The following SPTLC1 variants were observed in gnomAD, a reference collection of about 807,000 sequenced individuals.
The protein encoded by SPTLC1 is serine palmitoyltransferase long chain base subunit 1, also known as serine palmitoyltransferase 1.
Under a neutral mutation model 68.9 loss-of-function variants are expected in SPTLC1, and 55 were observed. That is an observed-to-expected ratio of 0.80 (90% CI 0.64 to 1.00). The LOEUF (loss-of-function observed/expected upper bound fraction) is 1.00. Ranked by LOEUF, SPTLC1 falls within the 50% of genes least tolerant of loss-of-function variation. SPTLC1 has a pLI of 0.00. For synonymous variants in SPTLC1, 197 were observed against 201.6 expected (o/e 0.98, Z 0.19); for missense variants, 449 against 573.1 (o/e 0.78, Z 2.21).
At chr9:92,040,702 G>C (rs1355365449) in intron 12 of SPTLC1, among the ~76,000 whole-genome samples, 4 of 151,290 alleles carry the variant, frequency 2.6e-5, no homozygotes, top group African/African-American at 9.7e-5. Context: ...AGGTTGCAGT[G>C]AGCTGAGATC....
chr9:92,056,633 A>C (rs1833901543), intron 7 of SPTLC1, among the ~76,000 whole-genome samples: 1 of 152,188 alleles, frequency 6.6e-6, no homozygotes, highest in African/African-American at 2.4e-5. Flanking sequence ...GTGGGACTGC[A>C]AAAAATACTG....
intron 9 of SPTLC1, 58 bp downstream of exon 9, chr9:92,049,902 G>A: frequency 1.8e-6 from 2 of 1,121,486 alleles, no homozygotes; most frequent in East Asian, 2.3e-5. Context: ...AGGCCTAGCA[G>A]AATGGAACTA....
rs536014198 is a variant in SPTLC1, at chr9:92,075,661, C to G, written c.427+4355G>C. Among the ~76,000 whole-genome samples, 64 of 152,326 alleles carry G rather than the reference C, an allele frequency of 4.2e-4. No homozygotes were observed. The East Asian group carries it at 8.7e-3, about 21-fold the overall frequency. On this transcript the variant is annotated intron_variant, in intron 5 of 14. Coordinates refer to ENST00000262554, the MANE Select transcript of SPTLC1 (RefSeq NM_006415.4). ...CACAGCCCTTATACTCTTAGAGTCT[C>G]TCAAAATCACAGGCTATGCCCCACT...
chr9:92,080,875 C>A lies in SPTLC1; in HGVS notation c.349G>T (p.Val117Phe). ...CAGCAATATGTGCTACTCACCTTAACCCTAGGGTTATCCAACAATCCAAGA... is the reference window on the plus strand; with the variant it reads ...CAGCAATATGTGCTACTCACCTTAAACCTAGGGTTATCCAACAATCCAAGA... ...NFLGLLDNPR[V>F]KAAALASLKK... is the part of the protein sequence containing the mutation. The change falls in exon 4 of 15, where the codon GTT becomes TTT. Residue 117 changes from valine to phenylalanine, a missense_variant. By Grantham distance (50) the Val-to-Phe change is conservative (BLOSUM62 -1). Around this residue, in one of 3 missense-constraint regions of SPTLC1, gnomAD observed 391 missense variants for 472.1 expected, o/e 0.83. Transcript: ENST00000262554. 2.5e-6 allele frequency: 4 copies of A among 1,611,334 alleles called. No individual in the cohort carries two copies. The highest frequency in any genetic ancestry group is 3.4e-6 in the Non-Finnish European group (4 of 1,177,452).
intron 8 of SPTLC1, chr9:92,055,151 A>G (rs1833841521): frequency 1.2e-6 from 1 of 844,328 alleles, no homozygotes; most frequent in Admixed American, 6.2e-5. Context: ...ACTTGAGCCC[A>G]GGAGGGTAAG....
At chr9:92,112,413 A>C in intron 2 of SPTLC1, 42 bp downstream of exon 2, 1 of 1,369,184 alleles carries the variant, frequency 7.3e-7, no homozygotes, top group South Asian at 1.2e-5. Flanking sequence ...TAGCAACTAT[A>C]ATCACATACC....
At chr9:92,098,331 C>T (rs533027930) in intron 3 of SPTLC1, among the ~76,000 whole-genome samples, 1 of 149,006 alleles carries the variant, frequency 6.7e-6, no homozygotes, top group South Asian at 2.3e-4. Flanking sequence ...CACCCAGCAT[C>T]CATAAAAGCG....
intron 6 of SPTLC1, among the ~76,000 whole-genome samples, chr9:92,065,809 A>T (rs535540114): frequency 1.3e-5 from 2 of 152,298 alleles, no homozygotes; most frequent in East Asian, 3.9e-4. Flanking sequence ...TACTACTTAG[A>T]CCCAGGACAT....
intron 3 of SPTLC1, among the ~76,000 whole-genome samples, chr9:92,082,158 G>A (rs564490999): frequency 1.4e-4 from 21 of 152,096 alleles, no homozygotes; most frequent in South Asian, 6.2e-4. Flanking sequence ...TTGCTATTAT[G>A]AAAGTGCCTG....
intron 8 of SPTLC1, chr9:92,051,026 C>T (rs998465021): frequency 1.0e-5 from 10 of 985,048 alleles, no homozygotes; most frequent in Admixed American, 6.2e-5. Flanking sequence ...TCTTTAGTTT[C>T]GTATCTGTCC....
intron 2 of SPTLC1, among the ~76,000 whole-genome samples, 165 bp downstream of exon 2, chr9:92,112,290 G>C (rs1292893211): frequency 6.6e-6 from 1 of 152,100 alleles, no homozygotes; most frequent in Non-Finnish European, 1.5e-5. Context: ...TTTATTTCTA[G>C]ATTTCCCCAT....
At chr9:92,079,752 CTCT>C in intron 5 of SPTLC1, 1 of 670,766 alleles carries the variant, frequency 1.5e-6, no homozygotes, top group Non-Finnish European at 2.7e-6. Context: ...AGTACTGCTG[CTCT>C]GCACTCGTTC....
intron 11 of SPTLC1, among the ~76,000 whole-genome samples, chr9:92,046,686 C>A (rs1016028073): frequency 6.6e-6 from 1 of 152,172 alleles, no homozygotes; most frequent in Non-Finnish European, 1.5e-5. Flanking sequence ...TCTTAGTAGA[C>A]TTTTTATTTT....
At chr9:92,079,663 C>A in intron 5 of SPTLC1, 2 of 1,120,418 alleles carry the variant, frequency 1.8e-6, no homozygotes, top group Non-Finnish European at 2.7e-6. Context: ...CAGCCCCCTG[C>A]GTGGCTAGTC....
At chr9:92,068,588 C>G (rs773695511) in intron 5 of SPTLC1, among the ~76,000 whole-genome samples, 2 of 152,210 alleles carry the variant, frequency 1.3e-5, no homozygotes, top group Non-Finnish European at 2.9e-5. Context: ...AGTGGCACCT[C>G]CCATCACTTT....
chr9:92,112,585 T>C (rs1341116088), intron 1 of SPTLC1, 23 bp from the exon 2 acceptor site: 1 of 1,485,486 alleles, frequency 6.7e-7, no homozygotes, highest in Admixed American at 1.7e-5. Context: ...CAAAAACAAG[T>C]AAGATATGAA....
rs114515526 is a variant in SPTLC1 at position 92,061,167 on chromosome 9, T to A, written c.561-1859A>T. Among the ~76,000 whole-genome samples the A allele has an allele frequency of 9.8e-3, 1,490 of 152,278 alleles. 22 individuals carry two copies. Among genetic ancestry groups the A allele is most frequent in the African/African-American group, 0.033 (1,392 of 41,554 alleles). ...GATTAAAGAAGCTGAGCAAAATCCA[T>A]ACGGACTAATGCAAACAAATAGTTG... On this transcript the variant is annotated intron_variant, in intron 6 of 14. Coordinates refer to ENST00000262554, the MANE Select transcript of SPTLC1 (RefSeq NM_006415.4).
chr9:92,112,584 G>A (rs1319854019), intron 1 of SPTLC1, 22 bp from the exon 2 acceptor site: 3 of 1,488,698 alleles, frequency 2.0e-6, no homozygotes, highest in East Asian at 4.5e-5. Flanking sequence ...TCAAAAACAA[G>A]TAAGATATGA....
intron 8 of SPTLC1, among the ~76,000 whole-genome samples, chr9:92,054,260 A>C (rs1277815315): frequency 6.6e-6 from 1 of 152,230 alleles, no homozygotes; most frequent in Non-Finnish European, 1.5e-5. Flanking sequence ...CAGCCTGGGC[A>C]ACATAAGTGA....
Sources: gnomAD v4.1 joint callset for allele counts (sites outside exome capture counted in the v4.1 genomes callset) on GRCh38, gnomAD v4.1.1 for gene constraint, gnomAD v4.1.1 regional missense constraint, MANE v1.5 for transcripts, NCBI Gene and HGNC (gene_info 2026-07-23, HGNC 2026-07-21) for gene names.